RNF180: variants seen among roughly 807,000 people sequenced by gnomAD.
RNF180 encodes ring finger protein 180.
Under a neutral mutation model 59.2 loss-of-function variants are expected in RNF180, and 38 were observed. That is an observed-to-expected ratio of 0.64 (90% CI 0.50 to 0.84). The LOEUF (loss-of-function observed/expected upper bound fraction) is 0.84. Among genes scored for constraint, RNF180 ranks in the 40% least tolerant of loss-of-function variants. The pLI is 0.00. For missense variants in RNF180, 705 were observed against 700.9 expected (o/e 1.01, Z -0.07); for synonymous variants, 262 against 240.3 (o/e 1.09, Z -0.84).
At chr5:64,363,546 C>G (rs1046113677) in intron 7 of RNF180, among the ~76,000 whole-genome samples, 2 of 151,784 alleles carry the variant, frequency 1.3e-5, no homozygotes, top group African/African-American at 4.8e-5. Context: ...GTTCTTATTG[C>G]TTAGGATTTC....
intron 5 of RNF180, among the ~76,000 whole-genome samples, chr5:64,296,092 T>A (rs1315045006): frequency 1.3e-5 from 2 of 152,200 alleles, no homozygotes; most frequent in African/African-American, 4.8e-5. Context: ...ATTCCTAACA[T>A]GACTACAGGC....
Position 64,259,310 on chromosome 5 carries a change from G to A in RNF180, c.1227+41914G>A, listed in dbSNP as rs971351742. Reference sequence around the variant, plus strand: ...GGGCATGTTGGAAAGGGTTTTGGGGGGAACAGTGAAAGAATGATTTGGAAA... The same window carrying A: ...GGGCATGTTGGAAAGGGTTTTGGGGAGAACAGTGAAAGAATGATTTGGAAA... On this transcript the variant is annotated intron_variant, in intron 5 of 7. Coordinates refer to ENST00000389100, the MANE Select transcript of RNF180 (RefSeq NM_001113561.2). Among the ~76,000 whole-genome samples, 13 of 152,248 alleles carry A rather than the reference G, an allele frequency of 8.5e-5. No individual in the cohort carries two copies. In the South Asian group the frequency reaches 1.0e-3, roughly 12 times the overall value.
chr5:64,320,580 C>A (rs1744293643), intron 5 of RNF180, among the ~76,000 whole-genome samples: 1 of 152,152 alleles, frequency 6.6e-6, no homozygotes, highest in Non-Finnish European at 1.5e-5. Context: ...AAGACCTACA[C>A]AAGTGAGGGA....
intron 1 of RNF180, among the ~76,000 whole-genome samples, chr5:64,193,136 A>G (rs1423198585): frequency 4.6e-5 from 7 of 151,750 alleles, no homozygotes; most frequent in African/African-American, 1.7e-4. Flanking sequence ...GGGGGAAAGG[A>G]AATCAGTAAC....
intron 7 of RNF180, among the ~76,000 whole-genome samples, chr5:64,351,354 G>A (rs553073094): frequency 5.9e-4 from 90 of 152,190 alleles, no homozygotes; most frequent in African/African-American, 2.0e-3. Flanking sequence ...TGCAAACAGG[G>A]ACAATTTGAC....
chr5:64,288,332 G>T (rs1742397361), intron 5 of RNF180, among the ~76,000 whole-genome samples: 1 of 152,178 alleles, frequency 6.6e-6, no homozygotes, highest in Non-Finnish European at 1.5e-5. Flanking sequence ...GTTGGGTAGT[G>T]TGATGCCTCC....
chr5:64,187,768 A>G (rs1750943155), intron 1 of RNF180, among the ~76,000 whole-genome samples: 1 of 152,300 alleles, frequency 6.6e-6, no homozygotes, highest in Non-Finnish European at 1.5e-5. Context: ...TATTCATTGA[A>G]CTAAGTAAGT....
At chr5:64,351,041 G>A (rs1325247182) in intron 7 of RNF180, among the ~76,000 whole-genome samples, 1 of 151,842 alleles carries the variant, frequency 6.6e-6, no homozygotes, top group African/African-American at 2.4e-5. Flanking sequence ...CTATCCATGA[G>A]CATGGAATGT....
chr5:64,179,960 T>C (rs757597605), intron 1 of RNF180, among the ~76,000 whole-genome samples: 3 of 152,216 alleles, frequency 2.0e-5, no homozygotes, highest in African/African-American at 4.8e-5. Flanking sequence ...AACCTTGTTT[T>C]ATTTTTCATT....
At chr5:64,310,898 C>T (rs1195666105) in intron 5 of RNF180, among the ~76,000 whole-genome samples, 1 of 151,924 alleles carries the variant, frequency 6.6e-6, no homozygotes, top group Non-Finnish European at 1.5e-5. Context: ...TAATTCATTT[C>T]TTCTGCCACA....
At chr5:64,281,506 C>A (rs1554039466) in intron 5 of RNF180, among the ~76,000 whole-genome samples, 2 of 148,682 alleles carry the variant, frequency 1.3e-5, no homozygotes, top group Non-Finnish European at 3.0e-5. Context: ...TTGTTGAGGA[C>A]TTTTTTTTTT....
intron 5 of RNF180, among the ~76,000 whole-genome samples, chr5:64,309,980 C>T (rs979653411): frequency 1.3e-5 from 2 of 151,412 alleles, no homozygotes; most frequent in Non-Finnish European, 3.0e-5. Context: ...TTATAATTTA[C>T]ACTTAATAAG....
chr5:64,368,424 T>C lies in RNF180; in HGVS notation c.1580-1191T>C, dbSNP rs143175016. ...AAATTTTTGAAGAAATCAGATAGTA[T>C]AGATGAGAAATTCATGACCAAAAGA... On this transcript the variant is annotated intron_variant, in intron 7 of 7. Transcript: ENST00000389100. Among the ~76,000 whole-genome samples, 116 of 151,898 alleles carry C rather than the reference T, an allele frequency of 7.6e-4. No individual in the cohort carries two copies. The East Asian group carries it at 8.4e-3, about 11-fold the overall frequency.
At chr5:64,209,685 T>G (rs1752203463) in intron 2 of RNF180, among the ~76,000 whole-genome samples, 1 of 152,064 alleles carries the variant, frequency 6.6e-6, no homozygotes, top group Admixed American at 6.6e-5. Flanking sequence ...GACATAATCC[T>G]GAAAAGTCAG....
chr5:64,335,389 T>G (rs780975866), intron 7 of RNF180, among the ~76,000 whole-genome samples: 1 of 152,090 alleles, frequency 6.6e-6, no homozygotes, highest in African/African-American at 2.4e-5. Context: ...TTCCCCAAGG[T>G]CATAAAGATA....
chr5:64,248,803 CAT>C (rs765764698), intron 5 of RNF180, among the ~76,000 whole-genome samples: 16 of 152,180 alleles, frequency 1.1e-4, no homozygotes, highest in Non-Finnish European at 1.8e-4. Context: ...CACATGCACA[CAT>C]ATGTTTATTT....
chr5:64,274,126 C>G (rs770315310), intron 5 of RNF180, among the ~76,000 whole-genome samples: 10 of 151,986 alleles, frequency 6.6e-5, no homozygotes, highest in Non-Finnish European at 1.3e-4. Context: ...CAAGGAGTCT[C>G]TACCTTGTCT....
intron 5 of RNF180, among the ~76,000 whole-genome samples, chr5:64,237,292 T>C (rs918756197): frequency 9.2e-5 from 14 of 152,104 alleles, no homozygotes; most frequent in African/African-American, 2.7e-4. Flanking sequence ...TCAAAGGAGA[T>C]GTTAGAGCTT....
chr5:64,193,382 T>C (rs1044995444), intron 1 of RNF180, among the ~76,000 whole-genome samples: 1 of 152,166 alleles, frequency 6.6e-6, no homozygotes, highest in African/African-American at 2.4e-5. Context: ...ATCTTGGGCA[T>C]ATACATATGT....
Sources: gnomAD v4.1 joint callset for allele counts (sites outside exome capture counted in the v4.1 genomes callset) on GRCh38, gnomAD v4.1.1 for gene constraint, MANE v1.5 for transcripts, NCBI Gene and HGNC (gene_info 2026-07-23, HGNC 2026-07-21) for gene names.